SOX5: variants seen among roughly 807,000 people sequenced by gnomAD.
SOX5 encodes the protein transcription factor SOX-5.
A neutral mutation model predicts 92.0 loss-of-function variants in SOX5; 9 were observed. The observed-to-expected ratio is 0.10, with a 90% confidence interval of 0.06 to 0.17. The LOEUF is 0.17. Among genes scored for constraint, SOX5 ranks in the 10% least tolerant of loss-of-function variants. The pLI, the probability that SOX5 is intolerant of heterozygous loss-of-function variation, is 1.00. For synonymous variants in SOX5, 344 were observed against 336.3 expected, an observed-to-expected ratio of 1.02 and a Z score of -0.25; for missense variants, 642 against 944.5, an observed-to-expected ratio of 0.68 and a Z score of 4.20.
chr12:23,660,120 T>C (rs1171699159), intron 7 of SOX5, among the ~76,000 whole-genome samples: 1 of 152,220 alleles, frequency 6.6e-6, no homozygotes, highest in Non-Finnish European at 1.5e-5. Context: ...CATTCATGTA[T>C]GGCAGAGTGA....
intron 1 of SOX5, among the ~76,000 whole-genome samples, chr12:24,525,481 A>G (rs1225554045): frequency 1.3e-5 from 2 of 152,224 alleles, no homozygotes; most frequent in Non-Finnish European, 2.9e-5. Context: ...ATAGTTAAAA[A>G]TAGTGTATTG....
At chr12:24,145,119 A>C (rs986419465) in intron 4 of SOX5, among the ~76,000 whole-genome samples, 1 of 152,080 alleles carries the variant, frequency 6.6e-6, no homozygotes, top group Non-Finnish European at 1.5e-5. Context: ...AAAAATAAAG[A>C]AATAAAAAGG....
intron 3 of SOX5, among the ~76,000 whole-genome samples, chr12:23,829,851 T>C (rs2096286771): frequency 2.0e-5 from 3 of 152,102 alleles, no homozygotes; most frequent in Admixed American, 2.0e-4. Flanking sequence ...ATCTTAAATA[T>C]CATTACATTT....
intron 2 of SOX5, among the ~76,000 whole-genome samples, chr12:24,361,608 GTT>G: frequency 7.3e-6 from 1 of 136,106 alleles, no homozygotes; most frequent in Non-Finnish European, 1.6e-5. Flanking sequence ...GCTTTTTCAG[GTT>G]TTGTGTGTGT....
chr12:23,845,958 C>T, intron 3 of SOX5, 25 bp downstream of exon 3: 1 of 1,580,120 alleles, frequency 6.3e-7, no homozygotes, highest in Non-Finnish European at 8.7e-7. Context: ...ACAGCATCAA[C>T]TTTGTTTTCT....
At chr12:24,169,759 C>T (rs1356783664) in intron 4 of SOX5, among the ~76,000 whole-genome samples, 2 of 152,130 alleles carry the variant, frequency 1.3e-5, no homozygotes, top group Non-Finnish European at 2.9e-5. Context: ...CAAATTATTC[C>T]CCTCAAAGAT....
chr12:23,598,560 G>A (rs571432793), intron 9 of SOX5, among the ~76,000 whole-genome samples: 16 of 151,336 alleles, frequency 1.1e-4, no homozygotes, highest in South Asian at 2.1e-4. Flanking sequence ...CACCACGCCC[G>A]GCTAATTTTT....
At chr12:23,741,184 A>G in intron 4 of SOX5, 145 bp from the exon 5 acceptor site, 1 of 549,646 alleles carries the variant, frequency 1.8e-6, no homozygotes, top group Non-Finnish European at 2.9e-6. Context: ...TTACATTTTC[A>G]CGCAACAGTA....
chr12:23,782,804 G>T (rs1327305902), intron 3 of SOX5, among the ~76,000 whole-genome samples: 2 of 152,040 alleles, frequency 1.3e-5, no homozygotes, highest in African/African-American at 4.8e-5. Flanking sequence ...CTATAGTTTT[G>T]GATTCCAGTT....
intron 2 of SOX5, among the ~76,000 whole-genome samples, chr12:23,869,559 G>A (rs917493860): frequency 2.0e-5 from 3 of 152,036 alleles, no homozygotes; most frequent in Non-Finnish European, 2.9e-5. Context: ...GTTCTAATCT[G>A]TACATGTGTA....
intron 4 of SOX5, among the ~76,000 whole-genome samples, chr12:23,978,557 C>T (rs1213763218): frequency 1.3e-5 from 2 of 152,124 alleles, no homozygotes; most frequent in African/African-American, 2.4e-5. Flanking sequence ...TGCAGTCCTT[C>T]GTCACAATAC....
intron 4 of SOX5, among the ~76,000 whole-genome samples, chr12:23,962,461 A>G (rs1264051595): frequency 6.6e-6 from 1 of 152,208 alleles, no homozygotes; most frequent in African/African-American, 2.4e-5. Flanking sequence ...AAAATTATAC[A>G]TTAAAAAGGA....
intron 7 of SOX5, among the ~76,000 whole-genome samples, chr12:23,656,488 A>AG (rs1278135200): frequency 1.3e-5 from 2 of 152,134 alleles, no homozygotes; most frequent in African/African-American, 2.4e-5. Context: ...TAAATGCAGT[A>AG]GAAATACCTA....
At chr12:24,136,391 T>C (rs920939637) in intron 4 of SOX5, among the ~76,000 whole-genome samples, 3 of 152,252 alleles carry the variant, frequency 2.0e-5, no homozygotes, top group African/African-American at 7.2e-5. Context: ...CAAGCAAGCA[T>C]TGTTTTCAGA....
At chr12:24,213,419 T>TAAAAAAAAAAAAAAAAAAAGA (rs1958856331) in intron 3 of SOX5, 1 of 96,858 alleles carries the variant, frequency 1.0e-5, no homozygotes, top group Non-Finnish European at 2.1e-5. Context: ...CTTGAAATGC[T>TAAAAAAAAAAAAAAAAAAAGA]AAAAAAAAAA....
intron 4 of SOX5, among the ~76,000 whole-genome samples, chr12:24,066,757 G>A (rs1202816216): frequency 1.3e-5 from 2 of 152,114 alleles, no homozygotes; most frequent in African/African-American, 4.8e-5. Flanking sequence ...AACATAAGCA[G>A]GAAAATATTA....
chr12:24,500,862 T>A (rs1427793255), intron 1 of SOX5, among the ~76,000 whole-genome samples: 1 of 152,170 alleles, frequency 6.6e-6, no homozygotes, highest in Non-Finnish European at 1.5e-5. Flanking sequence ...AATAAAGCTA[T>A]AAACATGCCA....
chr12:23,604,284 C>G (rs1478449945), intron 9 of SOX5, 103 bp downstream of exon 9: 62 of 1,266,632 alleles, frequency 4.9e-5, no homozygotes, highest in Non-Finnish European at 6.8e-5. Flanking sequence ...CCTTGTACAC[C>G]CAGAGTTTAA....
chr12:24,306,659 A>G (rs905105954), intron 2 of SOX5, among the ~76,000 whole-genome samples: 14 of 152,156 alleles, frequency 9.2e-5, no homozygotes, highest in African/African-American at 3.1e-4. Flanking sequence ...GGCTCAAAAC[A>G]TGGAGCATTT....
Sources: allele counts gnomAD v4.1 joint callset (sites outside exome capture counted in the v4.1 genomes callset), GRCh38; gene constraint gnomAD v4.1.1; transcripts MANE v1.5; gene names NCBI Gene and HGNC (gene_info 2026-07-23, HGNC 2026-07-21).